SH2B2: variants seen among roughly 807,000 people sequenced by gnomAD.
SH2B2 encodes SH2B adaptor protein 2, also known as SH2B adapter protein 2.
Under a neutral mutation model 35.7 loss-of-function variants are expected in SH2B2, and 37 were observed. That is an observed-to-expected ratio of 1.04 (90% CI 0.80 to 1.36). SH2B2 has a LOEUF of 1.36. Ranked by LOEUF, SH2B2 falls within the 40% of genes most tolerant of loss-of-function variation. The pLI is 0.00. For synonymous variants in SH2B2, 383 were observed against 376.4 expected (o/e 1.02, Z -0.20); for missense variants, 852 against 817.7 (o/e 1.04, Z -0.51).
rs376883737 is a variant in SH2B2, at chr7:102,300,881, C to T, written c.331C>T (p.Pro111Ser). 6.1e-5 allele frequency: 89 copies of T among 1,465,080 alleles called. No individual in the cohort carries two copies. The African/African-American group carries it at 9.9e-4, about 16-fold the overall frequency. The allele number at this position is 1,465,080 out of a possible 1,614,324, so 90.8% of individuals were successfully genotyped here. A position where few individuals can be genotyped will look rare whatever the true frequency, so the allele number is the denominator to read the frequency against. ...LADTSALKAA[P>S]YGHSRSSEDV... ...GGACACCTCTGCACTCAAGGCGGCGCCCTACGGCCACTCGCGGAGCTCGGA... is the reference window on the plus strand; with the variant it reads ...GGACACCTCTGCACTCAAGGCGGCGTCCTACGGCCACTCGCGGAGCTCGGA... Residue 111 changes from proline to serine, a missense_variant, in exon 2 of 9, where the codon CCC (proline) becomes TCC (serine). Physicochemically the swap from Pro to Ser is moderately conservative, Grantham distance 74 (BLOSUM62 -1). Coordinates refer to ENST00000444095, the MANE Select transcript of SH2B2 (RefSeq NM_001359228.2).
chr7:102,300,922 C>T lies in SH2B2; in HGVS notation c.372C>T (p.His124=). 1 of 1,488,302 alleles carries T rather than the reference C, an allele frequency of 6.7e-7. No homozygotes were observed. The allele number at this position is 1,488,302 out of a possible 1,614,324, so 92.2% of individuals were successfully genotyped here. Residue 124 remains histidine, a synonymous_variant, in exon 2 of 9, where the codon CAC becomes CAT. Transcript: ENST00000444095. ...HSRSSEDVST[H]AATKARVRKG... ...GGAGCTCGGAGGACGTGTCCACGCA[C>T]GCGGCCACCAAGGCCCGCGTTCGCA...
intron 3 of SH2B2, 148 bp downstream of exon 3, chr7:102,306,970 C>A: frequency 3.1e-6 from 2 of 649,206 alleles, no homozygotes; most frequent in Admixed American, 5.2e-5. Flanking sequence ...GTTCCCAGAC[C>A]CTATGACAGA....
chr7:102,307,877 C>T (rs1793464929), intron 3 of SH2B2, among the ~76,000 whole-genome samples: 1 of 151,880 alleles, frequency 6.6e-6, no homozygotes, highest in African/African-American at 2.4e-5. Flanking sequence ...CTCAGGTGAT[C>T]CTTCCATCTC....
chr7:102,290,311 C>T (rs2906712), intron 1 of SH2B2, among the ~76,000 whole-genome samples: 133,725 of 150,606 alleles, frequency 0.89, 59,596 homozygotes, highest in African/African-American at 0.97. Flanking sequence ...TGGCGTGCAA[C>T]CTCAGCTCCC....
intron 1 of SH2B2, chr7:102,293,254 C>T (rs1554552089): frequency 7.1e-6 from 1 of 141,296 alleles, no homozygotes; most frequent in East Asian, 2.1e-4. Flanking sequence ...TTTTTACCGC[C>T]GGAAAGCCGC....
In SH2B2 at chr7:102,320,586, G is replaced by A. The variant is rs558526721; in HGVS notation, c.1567+84G>A. 1.3e-5 allele frequency: 20 copies of A among 1,481,500 alleles called. No homozygotes were observed. The South Asian group carries it at 2.2e-4, about 16-fold the overall frequency. The allele number at this position is 1,481,500 out of a possible 1,614,324, so 91.8% of individuals were successfully genotyped here. ...AAGAAGGTGGTCCCTGGGGTGGGATGAGCCCCAGGTCTCCTGTCCCATAGC... is the reference window on the plus strand; with the variant it reads ...AAGAAGGTGGTCCCTGGGGTGGGATAAGCCCCAGGTCTCCTGTCCCATAGC... On this transcript the variant is annotated intron_variant, in intron 8 of 8. Transcript: ENST00000444095.
intron 2 of SH2B2, among the ~76,000 whole-genome samples, chr7:102,302,789 G>A (rs1299054420): frequency 6.6e-6 from 1 of 152,180 alleles, no homozygotes; most frequent in Non-Finnish European, 1.5e-5. Flanking sequence ...ATGGTGGCGC[G>A]CACCTGTAGT....
chr7:102,293,453 A>C, intron 1 of SH2B2, among the ~76,000 whole-genome samples: 1 of 150,270 alleles, frequency 6.7e-6, no homozygotes, highest in East Asian at 2.0e-4. Flanking sequence ...TGAAGCCCCC[A>C]TCCCATCAGA....
At chr7:102,318,231 C>T (rs577687592) in intron 7 of SH2B2, among the ~76,000 whole-genome samples, 24 of 152,270 alleles carry the variant, frequency 1.6e-4, no homozygotes, top group African/African-American at 4.6e-4. Flanking sequence ...CTCCGCCTCC[C>T]GGGTTCAAGC....
chr7:102,288,865 A>G (rs1563544232), intron 1 of SH2B2, among the ~76,000 whole-genome samples: 1 of 152,174 alleles, frequency 6.6e-6, no homozygotes, highest in African/African-American at 2.4e-5. Context: ...CCTCTCTGAC[A>G]AGAGGCTGGC....
chr7:102,318,723 G>C (rs1793951053), intron 7 of SH2B2, among the ~76,000 whole-genome samples: 1 of 152,108 alleles, frequency 6.6e-6, no homozygotes, highest in Non-Finnish European at 1.5e-5. Flanking sequence ...AGAACCTCTG[G>C]TGGCTTCTCT....
At chr7:102,292,876 G>C (rs1206982650) in intron 1 of SH2B2, among the ~76,000 whole-genome samples, 1 of 149,806 alleles carries the variant, frequency 6.7e-6, no homozygotes, top group Non-Finnish European at 1.5e-5. Context: ...CAGGAGGAAG[G>C]GGGGGTCTCT....
intron 6 of SH2B2, among the ~76,000 whole-genome samples, chr7:102,315,737 G>A (rs1368585006): frequency 2.8e-5 from 2 of 70,254 alleles, no homozygotes; most frequent in African/African-American, 1.0e-4. Context: ...GAGAGACCCT[G>A]TGAAAAGAAA....
At chr7:102,314,802 T>C in intron 6 of SH2B2, 120 bp downstream of exon 6, 1 of 397,870 alleles carries the variant, frequency 2.5e-6, no homozygotes, top group Non-Finnish European at 4.4e-6. Flanking sequence ...CATCTCATCC[T>C]CCTGGGTCCT....
Position 102,300,960 on chromosome 7 carries a change from T to C in SH2B2, c.410T>C (p.Leu137Pro). ...GCCCGCGTTCGCAAGGGCTTCTCGC[T>C]GCGCAACATGAGCCTGTGCGTGGTG... ...TKARVRKGFS[L>P]RNMSLCVVDG... is the part of the protein sequence containing the mutation. Residue 137 changes from leucine (L) to proline (P), a missense_variant, in exon 2 of 9, where the codon CTG (leucine) becomes CCG (proline). This residue lies in a region of SH2B2 where 294 missense variants were observed against 286.6 expected (regional missense o/e 1.03). Transcript: ENST00000444095. The C allele has an allele frequency of 6.7e-7, 1 of 1,486,952 alleles. No homozygotes were observed. Among genetic ancestry groups the C allele is most frequent in the Non-Finnish European group, 8.9e-7 (1 of 1,120,932 alleles). 92.1% of individuals were successfully genotyped at this position (1,486,952 alleles called of 1,614,324 possible).
intron 1 of SH2B2, among the ~76,000 whole-genome samples, chr7:102,294,100 A>G (rs1323759438): frequency 6.6e-6 from 1 of 152,150 alleles, no homozygotes; most frequent in African/African-American, 2.4e-5. Context: ...GTGCAATCTC[A>G]GCTCACTGCA....
In SH2B2 at chr7:102,297,709, A is replaced by T. The variant is rs1554552756; in HGVS notation, c.-29-2813A>T. ...TTTGTTCATTCAGTCAGTGTTTCCC[A>T]AGCGCCTGCTGTATGCCCAGCACTG... is the stretch of plus-strand genomic sequence containing the variant. On this transcript the variant is annotated intron_variant, in intron 1 of 8. Coordinates refer to ENST00000444095, the MANE Select transcript of SH2B2 (RefSeq NM_001359228.2). The surrounding 1 kb of genome is among the most constrained non-coding windows in gnomAD (Gnocchi z 4.3). Among the ~76,000 whole-genome samples, 2 of 151,790 alleles carry T rather than the reference A, an allele frequency of 1.3e-5. No individual in the cohort carries two copies. Among genetic ancestry groups the T allele is most frequent in the Admixed American group, 6.6e-5 (1 of 15,194 alleles).
chr7:102,315,744 G>GAAAAA (rs61456197), intron 6 of SH2B2, among the ~76,000 whole-genome samples: 68 of 90,464 alleles, frequency 7.5e-4, no homozygotes, highest in East Asian at 2.2e-3. Context: ...CCTGTGAAAA[G>GAAAAA]AAAAAAAAAA....
In SH2B2 at chr7:102,321,401, C is replaced by T; in HGVS notation, c.1670C>T (p.Pro557Leu). 10 of 1,367,532 alleles carry T rather than the reference C, an allele frequency of 7.3e-6. No individual in the cohort carries two copies. The highest frequency in any genetic ancestry group is 8.5e-6 in the Non-Finnish European group (9 of 1,059,088). The allele number at this position is 1,367,532 out of a possible 1,614,324, so 84.7% of individuals were successfully genotyped here. Residue 557 changes from proline (P) to leucine (L), a missense_variant, in exon 9 of 9, where the codon CCT becomes CTT. Pro to Leu is a moderately conservative substitution (Grantham distance 98). Coordinates refer to ENST00000444095, the MANE Select transcript of SH2B2 (RefSeq NM_001359228.2). ...FSSLAAAACP[P>L]ASPSDAAGAS... ...AGCCTCGCCGCGGCCGCCTGCCCGC[C>T]TGCCTCGCCCTCCGACGCCGCCGGC...
Sources: gnomAD v4.1 joint callset for allele counts (sites outside exome capture counted in the v4.1 genomes callset) on GRCh38, gnomAD v4.1.1 for gene constraint, gnomAD v4.1.1 regional missense constraint, Gnocchi (gnomAD v3.1) non-coding constraint, MANE v1.5 for transcripts, NCBI Gene and HGNC (gene_info 2026-07-23, HGNC 2026-07-21) for gene names.